The following SOX5 variants were observed in gnomAD, a reference collection of about 807,000 sequenced individuals.
The protein encoded by SOX5 is transcription factor SOX-5.
SOX5 carries 9 observed loss-of-function variants against 92.0 expected under a neutral mutation model. The ratio of observed to expected loss-of-function variants is 0.10; its 90% CI spans 0.06 to 0.17. SOX5 has a LOEUF of 0.17. SOX5 is among the 10% of genes least tolerant of loss of function. The pLI, the probability that SOX5 is intolerant of heterozygous loss-of-function variation, is 1.00. For synonymous variants in SOX5, 344 were observed against 336.3 expected (o/e 1.02, Z -0.25); for missense variants, 642 against 944.5 (o/e 0.68, Z 4.20).
intron 1 of SOX5, among the ~76,000 whole-genome samples, chr12:23,934,422 T>C (rs1053765082): frequency 3.3e-5 from 5 of 149,632 alleles, no homozygotes; most frequent in Non-Finnish European, 5.9e-5. Flanking sequence ...ATATGATGTG[T>C]ATATATGTAT....
intron 3 of SOX5, among the ~76,000 whole-genome samples, chr12:23,772,694 A>G (rs1190963071): frequency 2.6e-5 from 4 of 152,182 alleles, no homozygotes; most frequent in Non-Finnish European, 4.4e-5. Context: ...AAGCTCTGAC[A>G]TCTGGTTTAC....
intron 11 of SOX5, among the ~76,000 whole-genome samples, chr12:23,546,775 C>T (rs1309692515): frequency 3.3e-5 from 5 of 152,090 alleles, no homozygotes; most frequent in Admixed American, 1.3e-4. Flanking sequence ...TTATTTTTGG[C>T]CAGACAGTAG....
At chr12:23,955,935 G>A (rs1395463759), upstream of SOX5, among the ~76,000 whole-genome samples, 2 of 152,156 alleles carry the variant, frequency 1.3e-5, no homozygotes, top group Non-Finnish European at 2.9e-5. Flanking sequence ...CCATTATCTT[G>A]CTACAATGTA....
At chr12:23,979,901 CTGGCTGGCT>C (rs1949377389) in intron 4 of SOX5, among the ~76,000 whole-genome samples, 1 of 141,240 alleles carries the variant, frequency 7.1e-6, no homozygotes, top group Non-Finnish European at 1.5e-5. Context: ...GGCTGGCTGG[CTGGCTGGCT>C]GGCCAGACAG....
At chr12:24,031,693 T>C (rs1275802251) in intron 4 of SOX5, among the ~76,000 whole-genome samples, 8 of 151,840 alleles carry the variant, frequency 5.3e-5, no homozygotes, top group Non-Finnish European at 1.2e-4. Context: ...AAAAATATTA[T>C]ATAATGCCCT....
intron 1 of SOX5, among the ~76,000 whole-genome samples, chr12:24,449,455 G>A (rs905878832): frequency 6.6e-6 from 1 of 152,028 alleles, no homozygotes; most frequent in Non-Finnish European, 1.5e-5. Flanking sequence ...ATTTTACACT[G>A]GCCATTAAGG....
intron 3 of SOX5, among the ~76,000 whole-genome samples, chr12:23,763,051 C>T (rs2094608838): frequency 6.6e-6 from 1 of 152,208 alleles, no homozygotes; most frequent in African/African-American, 2.4e-5. Flanking sequence ...AGCTAGTCCT[C>T]ATGCACAAAA....
At chr12:24,429,046 G>A (rs545717369) in intron 1 of SOX5, among the ~76,000 whole-genome samples, 14 of 152,220 alleles carry the variant, frequency 9.2e-5, no homozygotes, top group South Asian at 6.2e-4. Flanking sequence ...GGCCGGGCGC[G>A]GTGGCTCACG....
intron 1 of SOX5, among the ~76,000 whole-genome samples, chr12:24,554,359 C>T (rs1187836930): frequency 2.0e-5 from 3 of 152,146 alleles, no homozygotes; most frequent in Non-Finnish European, 4.4e-5. Flanking sequence ...AAAGTATGAA[C>T]ATCTTTTTCT....
intron 11 of SOX5, among the ~76,000 whole-genome samples, chr12:23,552,732 T>C (rs1295171088): frequency 3.3e-5 from 5 of 151,936 alleles, no homozygotes; most frequent in African/African-American, 1.2e-4. Flanking sequence ...TTGAATGGGC[T>C]GTCTCAGGAT....
chr12:24,537,925 C>T (rs1468895602), intron 1 of SOX5, among the ~76,000 whole-genome samples: 1 of 152,186 alleles, frequency 6.6e-6, no homozygotes, highest in Admixed American at 6.5e-5. Context: ...TTCATTGGTA[C>T]TTTTCCACAG....
chr12:24,467,564 A>C (rs1944359898), intron 1 of SOX5, among the ~76,000 whole-genome samples: 1 of 152,214 alleles, frequency 6.6e-6, no homozygotes, highest in Non-Finnish European at 1.5e-5. Context: ...CAAATAATGC[A>C]TCCTTTATGG....
intron 4 of SOX5, among the ~76,000 whole-genome samples, chr12:24,070,194 T>C (rs1454112932): frequency 6.6e-6 from 1 of 152,178 alleles, no homozygotes; most frequent in Non-Finnish European, 1.5e-5. Context: ...ACACACTACA[T>C]GTATATATTT....
At chr12:24,075,658 TA>T in intron 4 of SOX5, among the ~76,000 whole-genome samples, 1 of 151,894 alleles carries the variant, frequency 6.6e-6, no homozygotes, top group South Asian at 2.1e-4. Context: ...ATTTTTTTTT[TA>T]AAAAAGACAT....
At chr12:24,339,793 C>A (rs192552028) in intron 2 of SOX5, among the ~76,000 whole-genome samples, 65 of 152,318 alleles carry the variant, frequency 4.3e-4, no homozygotes, top group Admixed American at 4.1e-3. Flanking sequence ...CACAAAAGTT[C>A]CCCTTCAGGA....
intron 2 of SOX5, among the ~76,000 whole-genome samples, chr12:24,296,370 A>C (rs1294893602): frequency 1.3e-5 from 2 of 152,150 alleles, no homozygotes; most frequent in Non-Finnish European, 2.9e-5. Flanking sequence ...GACATTTAAG[A>C]CTATTTGACG....
intron 6 of SOX5, among the ~76,000 whole-genome samples, chr12:23,683,123 T>G (rs1056563320): frequency 1.3e-5 from 2 of 151,910 alleles, no homozygotes; most frequent in African/African-American, 4.8e-5. Flanking sequence ...AGATCTCCAA[T>G]GTGATATGCA....
intron 4 of SOX5, among the ~76,000 whole-genome samples, chr12:24,003,385 G>A (rs1027614267): frequency 1.3e-5 from 2 of 151,844 alleles, no homozygotes; most frequent in South Asian, 4.1e-4. Context: ...TCTTCTCGGG[G>A]TGTTTGATCC....
In SOX5 at chr12:23,970,841, A is replaced by ATATATATATATATTTTTTTTTTTTT; in HGVS notation, c.-1-74818_-1-74817insAAAAAAAAAAAAATATATATATATA. ...ACATGGGACTTTATATATATATATA[A>ATATATATATATATTTTTTTTTTTTT]TTTTTTTTTTTTTTTAAGAAATGGG... On this transcript the variant is annotated intron_variant, in intron 4 of 4. Coordinates refer to the SOX5 transcript ENST00000446891. 9.1e-5 allele frequency among the ~76,000 whole-genome samples: 2 copies of ATATATATATATATTTTTTTTTTTTT among 21,884 alleles called. 1 individual carries two copies. Among genetic ancestry groups the ATATATATATATATTTTTTTTTTTTT allele is most frequent in the East Asian group, 1.7e-3 (2 of 1,156 alleles). 14.4% of individuals were successfully genotyped at this position (21,884 alleles called of 152,430 possible). A position where few individuals can be genotyped will look rare whatever the true frequency, so the allele number is the denominator to read the frequency against.
Sources: allele counts gnomAD v4.1 joint callset (sites outside exome capture counted in the v4.1 genomes callset), GRCh38; gene constraint gnomAD v4.1.1; transcripts MANE v1.5; gene names NCBI Gene and HGNC (gene_info 2026-07-23, HGNC 2026-07-21).